PLIN2: variants seen among roughly 807,000 people sequenced by gnomAD.
The protein encoded by PLIN2 is perilipin-2.
Under a neutral mutation model 30.6 loss-of-function variants are expected in PLIN2, and 33 were observed. The observed-to-expected ratio is 1.08, with a 90% CI of 0.82 to 1.44. The LOEUF (loss-of-function observed/expected upper bound fraction) is 1.44, where lower values mean the gene tolerates loss of function less well. Among genes scored for constraint, PLIN2 ranks in the 40% most tolerant of loss-of-function variants. The pLI, the probability that PLIN2 is intolerant of heterozygous loss-of-function variation, is 0.00. For synonymous variants in PLIN2, 205 were observed against 201.1 expected (o/e 1.02, Z -0.16); for missense variants, 610 against 531.8 (o/e 1.15, Z -1.45).
intron 4 of PLIN2, among the ~76,000 whole-genome samples, chr9:19,122,406 G>A (rs7867814): frequency 0.22 from 33,289 of 151,312 alleles, 5,041 homozygotes; most frequent in African/African-American, 0.44. Context: ...TTAGATACAC[G>A]AATACTTATC....
At chr9:19,118,842 G>A (rs1368307271) in intron 6 of PLIN2, among the ~76,000 whole-genome samples, 1 of 152,098 alleles carries the variant, frequency 6.6e-6, no homozygotes, top group East Asian at 1.9e-4. Flanking sequence ...ACAGGCATAC[G>A]CCACCATGCC....
At chr9:19,126,492 C>A in intron 1 of PLIN2, 44 bp from the exon 2 acceptor site, 1 of 1,277,386 alleles carries the variant, frequency 7.8e-7, no homozygotes. Flanking sequence ...ATAAGACTCT[C>A]CCAAATTCAT....
At chr9:19,109,116 C>G (rs893212007) in intron 2 of PLIN2, among the ~76,000 whole-genome samples, 3 of 152,116 alleles carry the variant, frequency 2.0e-5, no homozygotes, top group Admixed American at 2.0e-4. Flanking sequence ...AACAAAAGGT[C>G]TTTTTATGGT....
intron 1 of PLIN2, among the ~76,000 whole-genome samples, chr9:19,126,736 A>G (rs929232362): frequency 1.3e-5 from 2 of 152,212 alleles, no homozygotes; most frequent in African/African-American, 2.4e-5. Context: ...TTCTCCGAGT[A>G]TCTGTTAACA....
In PLIN2 at chr9:19,121,134, CCAGTCA is replaced by C; in HGVS notation, c.335_340del (p.Val112_Thr113del). ...AGTAGTCGTCACAGCATCTTTTGCC[CCAGTCA>C]CAGCGCCTTTGGCATTGGCAACAAT... is the stretch of plus-strand genomic sequence containing the variant. On this transcript the variant is annotated inframe_deletion, in exon 5 of 8. Coordinates refer to ENST00000276914, the MANE Select transcript of PLIN2 (RefSeq NM_001122.4). The C allele has an allele frequency of 6.2e-7, 1 of 1,614,140 alleles. No individual in the cohort carries two copies. Among genetic ancestry groups the C allele is most frequent in the South Asian group, 1.1e-5 (1 of 91,084 alleles).
chr9:19,124,137 A>T (rs1818362093), intron 3 of PLIN2, among the ~76,000 whole-genome samples: 1 of 151,912 alleles, frequency 6.6e-6, no homozygotes, highest in Non-Finnish European at 1.5e-5. Flanking sequence ...AAAGGTAAGG[A>T]AATATGGGGG....
At chr9:19,121,282 C>T in intron 4 of PLIN2, 117 bp from the exon 5 acceptor site, 1 of 897,620 alleles carries the variant, frequency 1.1e-6, no homozygotes, top group Non-Finnish European at 1.7e-6. Context: ...AGTCCTCTCA[C>T]TCTAGCTTTA....
downstream of PLIN2, among the ~76,000 whole-genome samples, chr9:19,113,755 T>C (rs1292990094): frequency 6.7e-6 from 1 of 149,920 alleles, no homozygotes; most frequent in Non-Finnish European, 1.5e-5. Flanking sequence ...TGTGGGGTTT[T>C]TTGTTGTTGT....
chr9:19,126,556 C>G, intron 1 of PLIN2, 108 bp from the exon 2 acceptor site: 2 of 723,006 alleles, frequency 2.8e-6, no homozygotes, highest in East Asian at 2.6e-5. Context: ...AGGGTGAGCT[C>G]CCTGTAGTCT....
chr9:19,120,131 T>C (rs1426174938), intron 5 of PLIN2, among the ~76,000 whole-genome samples: 3 of 151,908 alleles, frequency 2.0e-5, no homozygotes, highest in African/African-American at 7.3e-5. Flanking sequence ...CAATTTTGGC[T>C]CACTGCAGCC....
At chr9:19,123,754 C>G (rs1018190708) in intron 3 of PLIN2, 107 bp from the exon 4 acceptor site, 2 of 880,960 alleles carry the variant, frequency 2.3e-6, no homozygotes, top group East Asian at 5.3e-5. Context: ...GGCACGGTGG[C>G]TCACGCCTGT....
chr9:19,113,722 T>A (rs1424164864), downstream of PLIN2, among the ~76,000 whole-genome samples: 2 of 151,156 alleles, frequency 1.3e-5, no homozygotes, highest in Non-Finnish European at 2.9e-5. Context: ...TACAGGTGCA[T>A]ACAGCCATGC....
intron 4 of PLIN2, 111 bp from the exon 5 acceptor site, chr9:19,121,276 C>A: frequency 4.3e-6 from 4 of 929,164 alleles, no homozygotes; most frequent in Non-Finnish European, 6.5e-6. Context: ...GAATCTAGTC[C>A]TCTCACTCTA....
downstream of PLIN2, among the ~76,000 whole-genome samples, chr9:19,114,610 G>T (rs1818196636): frequency 6.6e-6 from 1 of 151,940 alleles, no homozygotes; most frequent in Non-Finnish European, 1.5e-5. Flanking sequence ...CACGTTGTTG[G>T]TCAGGGTGGT....
intron 7 of PLIN2, 45 bp from the exon 8 acceptor site, chr9:19,116,694 G>C (rs781314439): frequency 6.6e-7 from 1 of 1,525,358 alleles, no homozygotes; most frequent in Non-Finnish European, 9.0e-7. Context: ...ACAGTGCTAT[G>C]TATAAATTAG....
At position 19,126,162 on chromosome 9, in the gene PLIN2, C is replaced by T. The variant is rs753941330; in HGVS notation, c.178G>A (p.Val60Met). Residue 60 changes from valine to methionine, a missense_variant, in exon 3 of 8, where the codon GTG becomes ATG. Transcript: ENST00000276914. Reference protein sequence around the residue: ...AENGVKTITSVAMTSALPIIQ... With the variant: ...AENGVKTITSMAMTSALPIIQ... Reference sequence around the variant, plus strand: ...ATGGGCAGAGCACTGGTCATGGCCACGGAGGTGATGGTCTTCACACCGTTC... The same window carrying T: ...ATGGGCAGAGCACTGGTCATGGCCATGGAGGTGATGGTCTTCACACCGTTC... 33 of 1,614,094 alleles carry T rather than the reference C, an allele frequency of 2.0e-5. No homozygotes were observed. Among genetic ancestry groups the T allele is most frequent in the Non-Finnish European group, 2.4e-5 (28 of 1,180,028 alleles).
downstream of PLIN2, among the ~76,000 whole-genome samples, chr9:19,114,987 G>T (rs955627677): frequency 5.3e-5 from 8 of 152,184 alleles, no homozygotes; most frequent in African/African-American, 1.9e-4. Flanking sequence ...GCTAAGGCTG[G>T]ACAGTGAAGA....
Position 19,118,425 on chromosome 9 carries a change from C to G in PLIN2, c.808G>C (p.Ala270Pro), listed in dbSNP as rs759176895. The change falls in exon 7 of 8, where the codon GCC (alanine) becomes CCC (proline). Residue 270 changes from alanine to proline, a missense_variant. Coordinates refer to ENST00000276914, the MANE Select transcript of PLIN2 (RefSeq NM_001122.4). ...TGAGCATCCTGAATTTTCTGATTGG[C>G]ACTATACACATTCTTCCTGGCAAAT... ...IEFARKNVYS[A>P]NQKIQDAQDK... is the part of the protein sequence containing the mutation. 6 of 1,613,644 alleles carry G rather than the reference C, an allele frequency of 3.7e-6. No individual in the cohort carries two copies. In the East Asian group the frequency reaches 1.3e-4, roughly 36 times the overall value.
intron 2 of PLIN2, among the ~76,000 whole-genome samples, chr9:19,109,740 G>T (rs1818135368): frequency 6.6e-6 from 1 of 151,900 alleles, no homozygotes; most frequent in Non-Finnish European, 1.5e-5. Flanking sequence ...GGTGGATCAT[G>T]AGGTCAGGAG....
Sources: allele counts gnomAD v4.1 joint callset (sites outside exome capture counted in the v4.1 genomes callset), GRCh38; gene constraint gnomAD v4.1.1; transcripts MANE v1.5; gene names NCBI Gene and HGNC (gene_info 2026-07-23, HGNC 2026-07-21).